MN1: variants seen among roughly 807,000 people sequenced by gnomAD.
MN1 encodes transcriptional activator MN1.
In MN1, 19 loss-of-function variants were observed where a neutral mutation model predicts 86.9. The observed-to-expected ratio is 0.22, with a 90% CI of 0.15 to 0.32. MN1 has a LOEUF of 0.32. MN1 is among the 10% of genes least tolerant of loss of function. MN1 has a pLI of 1.00. For missense variants in MN1, 1,841 were observed against 1,862.0 expected, an observed-to-expected ratio of 0.99 and a Z score of 0.21; for synonymous variants, 928 against 849.6, an observed-to-expected ratio of 1.09 and a Z score of -1.60.
In MN1 at chr22:27,800,046, G is replaced by T; in HGVS notation, c.498C>A (p.Gly166=). 2 of 1,602,070 alleles carry T rather than the reference G, an allele frequency of 1.2e-6. No homozygotes were observed. The highest frequency in any genetic ancestry group is 8.5e-7 in the Non-Finnish European group (1 of 1,179,242). Residue 166 remains glycine (G), a synonymous_variant, in exon 1 of 2, where the codon GGC becomes GGA. Transcript: ENST00000302326. ...MAESQGPESF[G]PQRPGNLPDF... is the part of the protein sequence containing the mutation. ...CCGGGAGGTTCCCCGGTCGCTGCGG[G>T]CCGAAGCTCTCAGGCCCCTGGCTCT...
At position 27,797,532 on chromosome 22, in the gene MN1, C is replaced by T. The variant is rs1431907974; in HGVS notation, c.3012G>A (p.Ala1004=). 31 of 1,608,114 alleles carry T rather than the reference C, an allele frequency of 1.9e-5. No individual in the cohort carries two copies. The highest frequency in any genetic ancestry group is 2.7e-5 in the African/African-American group (2 of 74,876). Residue 1004 remains alanine (A), a synonymous_variant, in exon 1 of 2, where the codon GCG becomes GCA. Transcript: ENST00000302326. The part of the protein sequence containing the change: ...TRGAPTPHEK[A]LTSPSWGKGA... ...CCTTCCCCCAGGATGGCGACGTGAG[C>T]GCCTTTTCGTGGGGCGTCGGTGCCC... is the stretch of plus-strand genomic sequence containing the variant.
rs1187361029 is a variant in MN1, at chr22:27,798,838, C to T, written c.1706G>A (p.Arg569Gln). 5 of 1,539,942 alleles carry T rather than the reference C, an allele frequency of 3.2e-6. No individual in the cohort carries two copies. The highest frequency in any genetic ancestry group is 4.9e-5 in the East Asian group (2 of 40,910). Reference protein sequence around the residue: ...KQMASRNQQQRLRQPNLAQLG... With the variant: ...KQMASRNQQQQLRQPNLAQLG... Reference sequence around the variant, plus strand: ...CTGAGCCAGGTTGGGCTGGCGCAGCCGCTGCTGCTGATTCCGCGACGCCAT... The same window carrying T: ...CTGAGCCAGGTTGGGCTGGCGCAGCTGCTGCTGCTGATTCCGCGACGCCAT... The change falls in exon 1 of 2, where the codon CGG becomes CAG. Residue 569 changes from arginine to glutamine, a missense_variant. By Grantham distance (43) the Arg-to-Gln change is conservative. Coordinates refer to ENST00000302326, the MANE Select transcript of MN1 (RefSeq NM_002430.3).
chr22:27,770,615 G>C (rs1652660444), intron 1 of MN1, among the ~76,000 whole-genome samples: 1 of 152,018 alleles, frequency 6.6e-6, no homozygotes, highest in Non-Finnish European at 1.5e-5. Context: ...AAAAAGGAAT[G>C]ATTATCACCT....
chr22:27,768,715 A>C (rs6005612), intron 1 of MN1, among the ~76,000 whole-genome samples: 41 of 152,294 alleles, frequency 2.7e-4, no homozygotes, highest in African/African-American at 9.9e-4. Flanking sequence ...CCAAGGCAGG[A>C]GGATCACTTG....
chr22:27,773,370 G>A (rs1438153045), intron 1 of MN1, among the ~76,000 whole-genome samples: 6 of 152,222 alleles, frequency 3.9e-5, no homozygotes, highest in South Asian at 2.1e-4. Flanking sequence ...GTTTCAGAGC[G>A]AGGGAGAGAG....
intron 1 of MN1, among the ~76,000 whole-genome samples, chr22:27,786,384 T>C (rs557175294): frequency 5.3e-4 from 81 of 152,170 alleles, no homozygotes; most frequent in African/African-American, 1.9e-3. Context: ...TATGCATACT[T>C]TTTCTTCCTT....
chr22:27,783,221 A>C (rs368282692), intron 1 of MN1, among the ~76,000 whole-genome samples: 1 of 145,228 alleles, frequency 6.9e-6, no homozygotes, highest in African/African-American at 2.6e-5. Flanking sequence ...TGCAACCTCC[A>C]CCTCCAGAGT....
Position 27,798,912 on chromosome 22 carries a change from TTGCTGTTGCTGTTGC to T in MN1, c.1617_1631del (p.Gln546_Gln550del). The T allele has an allele frequency of 6.9e-7, 1 of 1,450,914 alleles. No individual in the cohort carries two copies. 89.9% of individuals were successfully genotyped at this position (1,450,914 alleles called of 1,614,324 possible). ...TTTGGCGCTGCTGCTGCTGCTGCTG[TTGCTGTTGCTGTTGC>T]TGCTGCTGCTGCTGCTGTTGCTGCT... On this transcript the variant is annotated inframe_deletion, in exon 1 of 2. Coordinates refer to ENST00000302326, the MANE Select transcript of MN1 (RefSeq NM_002430.3).
chr22:27,755,738 C>T (rs999789826), intron 1 of MN1, among the ~76,000 whole-genome samples: 3 of 152,158 alleles, frequency 2.0e-5, no homozygotes, highest in African/African-American at 4.8e-5. Context: ...ACGAGACCCA[C>T]GTTGGATTCT....
intron 1 of MN1, among the ~76,000 whole-genome samples, chr22:27,753,924 G>A (rs1236941438): frequency 6.6e-6 from 1 of 152,186 alleles, no homozygotes; most frequent in Non-Finnish European, 1.5e-5. Context: ...CTGGGGTGGG[G>A]TGAGGGAAGT....
intron 1 of MN1, among the ~76,000 whole-genome samples, chr22:27,787,654 G>T (rs1568979327): frequency 6.6e-6 from 1 of 152,126 alleles, no homozygotes; most frequent in Non-Finnish European, 1.5e-5. Context: ...CATCCCTGAG[G>T]GTCTTGCTAG....
chr22:27,752,105 C>T (rs1328298434), intron 1 of MN1, among the ~76,000 whole-genome samples: 1 of 152,160 alleles, frequency 6.6e-6, no homozygotes, highest in Non-Finnish European at 1.5e-5. Context: ...GGCACAGAAA[C>T]TTTCCTGGGG....
chr22:27,790,657 C>T (rs984764725), intron 1 of MN1, among the ~76,000 whole-genome samples: 1 of 146,762 alleles, frequency 6.8e-6, no homozygotes, highest in Non-Finnish European at 1.5e-5. Context: ...TGAGAAGCAG[C>T]GTCCGCTTCC....
At chr22:27,796,458 G>C (rs1222587907) in intron 1 of MN1, among the ~76,000 whole-genome samples, 1 of 151,676 alleles carries the variant, frequency 6.6e-6, no homozygotes, top group East Asian at 1.9e-4. Context: ...TAAAACTGGG[G>C]GTGTGGGGGC....
In MN1 at chr22:27,799,059, G is replaced by A; in HGVS notation, c.1485C>T (p.Pro495=). ...CGGGCACAGGCGGTGTGAACTCGCC[G>A]GGTAGGCCTGGGTAGGCGGAAGGGG... is the stretch of plus-strand genomic sequence containing the variant. ...HLSPSAYPGL[P]GEFTPPVPDS... The change falls in exon 1 of 2, where the codon CCC becomes CCT. Residue 495 remains proline (P), a synonymous_variant. Transcript: ENST00000302326. 1 of 1,609,576 alleles carries A rather than the reference G, an allele frequency of 6.2e-7. No individual in the cohort carries two copies. Among genetic ancestry groups the A allele is most frequent in the African/African-American group, 1.3e-5 (1 of 74,984 alleles).
At chr22:27,755,729 C>A (rs45495493) in intron 1 of MN1, among the ~76,000 whole-genome samples, 13 of 152,190 alleles carry the variant, frequency 8.5e-5, no homozygotes, top group African/African-American at 3.1e-4. Flanking sequence ...GCTGCGATCA[C>A]GAGACCCACG....
chr22:27,800,025 G>A lies in MN1; in HGVS notation c.519C>T (p.Leu173=), dbSNP rs1933401751. The change falls in exon 1 of 2, where the codon CTC becomes CTT. Residue 173 remains leucine, a synonymous_variant. Coordinates refer to ENST00000302326, the MANE Select transcript of MN1 (RefSeq NM_002430.3). ...AGGCACCTGAACTGTGGAAGTCCGG[G>A]AGGTTCCCCGGTCGCTGCGGGCCGA... ...ESFGPQRPGN[L]PDFHSSGASS... 5 of 1,604,324 alleles carry A rather than the reference G, an allele frequency of 3.1e-6. No homozygotes were observed. The East Asian group carries it at 6.7e-5, about 21-fold the overall frequency.
Position 27,749,410 on chromosome 22 carries a change from T to A in MN1, c.*1505A>T. 1 of 231,524 alleles carries A rather than the reference T, an allele frequency of 4.3e-6. No individual in the cohort carries two copies. 14.3% of individuals were successfully genotyped at this position (231,524 alleles called of 1,614,324 possible). ...AAAACTGAAATTAAATAGATAACCA[T>A]CACGGTTATATATTTGGGTGAAGTG... On this transcript the variant is annotated 3_prime_UTR_variant, in exon 2 of 2. Coordinates refer to ENST00000302326, the MANE Select transcript of MN1 (RefSeq NM_002430.3).
chr22:27,778,602 C>G (rs994983534), intron 1 of MN1, among the ~76,000 whole-genome samples: 1 of 152,226 alleles, frequency 6.6e-6, no homozygotes, highest in African/African-American at 2.4e-5. Flanking sequence ...ATCCTCGCCA[C>G]GACCCCGTTT....
Sources: allele counts gnomAD v4.1 joint callset (sites outside exome capture counted in the v4.1 genomes callset), GRCh38; gene constraint gnomAD v4.1.1; transcripts MANE v1.5; gene names NCBI Gene and HGNC (gene_info 2026-07-23, HGNC 2026-07-21).